The following TRMT11 variants were observed in gnomAD, a reference collection of about 807,000 sequenced individuals.
TRMT11 encodes the protein tRNA methyltransferase 11, also known as tRNA (guanine(10)-N(2))-methyltransferase TRMT11.
Under a neutral mutation model 62.8 loss-of-function variants are expected in TRMT11, and 53 were observed. That is an observed-to-expected ratio of 0.84 (90% CI 0.68 to 1.06). The LOEUF (loss-of-function observed/expected upper bound fraction) is 1.06, where lower values mean the gene tolerates loss of function less well. Among genes scored for constraint, TRMT11 ranks in the 50% least tolerant of loss-of-function variants. The pLI, the probability that TRMT11 is intolerant of heterozygous loss-of-function variation, is 0.00. For synonymous variants in TRMT11, 188 were observed against 190.3 expected, an observed-to-expected ratio of 0.99 and a Z score of 0.10; for missense variants, 556 against 553.4, an observed-to-expected ratio of 1.00 and a Z score of -0.05.
intron 17 of TRMT11, among the ~76,000 whole-genome samples, chr6:126,106,825 A>G (rs538222520): frequency 1.3e-5 from 2 of 152,066 alleles, no homozygotes; most frequent in South Asian, 2.1e-4. Context: ...AATTATTATT[A>G]GGAGTATTGG....
chr6:126,074,849 C>T (rs1411752599), intron 17 of TRMT11, among the ~76,000 whole-genome samples: 1 of 152,036 alleles, frequency 6.6e-6, no homozygotes, highest in Non-Finnish European at 1.5e-5. Flanking sequence ...CAATTATTTT[C>T]AAGACTAGCT....
chr6:126,153,144 TATC>T (rs1308093659), intron 21 of TRMT11, among the ~76,000 whole-genome samples: 1 of 152,192 alleles, frequency 6.6e-6, no homozygotes, highest in Non-Finnish European at 1.5e-5. Context: ...ATCTTGGAAA[TATC>T]ATTCCAGGAT....
At chr6:126,005,131 C>G (rs895592450) in intron 7 of TRMT11, among the ~76,000 whole-genome samples, 1 of 152,020 alleles carries the variant, frequency 6.6e-6, no homozygotes, top group Non-Finnish European at 1.5e-5. Flanking sequence ...CTATTAATGG[C>G]ACAGCCCTGT....
intron 21 of TRMT11, among the ~76,000 whole-genome samples, chr6:126,119,828 G>C (rs892235502): frequency 6.6e-6 from 1 of 152,058 alleles, no homozygotes; most frequent in African/African-American, 2.4e-5. Context: ...TCAATTGCAG[G>C]ACTCTATCCT....
intron 21 of TRMT11, among the ~76,000 whole-genome samples, chr6:126,142,749 C>T (rs1371541172): frequency 6.6e-6 from 1 of 152,052 alleles, no homozygotes; most frequent in Non-Finnish European, 1.5e-5. Context: ...TCCTCTTTTG[C>T]TCAATAGCTA....
At chr6:126,081,307 G>T (rs906573980) in intron 17 of TRMT11, among the ~76,000 whole-genome samples, 2 of 152,124 alleles carry the variant, frequency 1.3e-5, no homozygotes, top group African/African-American at 2.4e-5. Context: ...CTTTTATCTG[G>T]CACAGCCAAG....
At chr6:125,987,089 C>T (rs1789770601) in intron 1 of TRMT11, 1 of 161,766 alleles carries the variant, frequency 6.2e-6, no homozygotes, top group African/African-American at 2.4e-5. Context: ...AGTCGAAGAT[C>T]GGTACGCTGG....
chr6:126,220,923 C>G, the TRMT11 span, among the ~76,000 whole-genome samples: 1 of 152,126 alleles, frequency 6.6e-6, no homozygotes, highest in East Asian at 1.9e-4. Context: ...ATCCTATACC[C>G]TAAAGTAGGC....
chr6:126,002,747 C>T (rs557763670), intron 7 of TRMT11, among the ~76,000 whole-genome samples: 1 of 152,092 alleles, frequency 6.6e-6, no homozygotes, highest in East Asian at 1.9e-4. Context: ...GTCACTTTAC[C>T]TTTATAACGC....
At chr6:126,015,485 TG>T (rs939762841) in intron 11 of TRMT11, among the ~76,000 whole-genome samples, 2 of 152,132 alleles carry the variant, frequency 1.3e-5, no homozygotes, top group African/African-American at 4.8e-5. Flanking sequence ...GCCTCGGTGC[TG>T]GGATTACAGG....
At chr6:126,126,055 G>A (rs541001994) in intron 21 of TRMT11, among the ~76,000 whole-genome samples, 20 of 152,142 alleles carry the variant, frequency 1.3e-4, no homozygotes, top group African/African-American at 3.6e-4. Flanking sequence ...TGTGTAATTT[G>A]CCTAGGACAC....
chr6:126,211,674 A>G, the TRMT11 span, among the ~76,000 whole-genome samples: 3 of 151,802 alleles, frequency 2.0e-5, no homozygotes, highest in East Asian at 3.9e-4. Context: ...GTAGGTGTAT[A>G]TATGTATAGA....
chr6:126,114,927 C>T (rs1251773313), intron 19 of TRMT11, among the ~76,000 whole-genome samples: 1 of 152,022 alleles, frequency 6.6e-6, no homozygotes, highest in Non-Finnish European at 1.5e-5. Flanking sequence ...GTATAAGTCA[C>T]CCTGGGCACC....
the TRMT11 span, among the ~76,000 whole-genome samples, chr6:126,261,402 A>T: frequency 5.3e-5 from 8 of 151,730 alleles, no homozygotes; most frequent in Non-Finnish European, 1.2e-4. Context: ...TTAATTTGAA[A>T]TTTTTCAGGC....
At chr6:126,111,975 A>T (rs1484631271) in intron 17 of TRMT11, among the ~76,000 whole-genome samples, 2 of 152,124 alleles carry the variant, frequency 1.3e-5, no homozygotes, top group Non-Finnish European at 2.9e-5. Flanking sequence ...TTACTGAATG[A>T]TGGTCTTAGT....
chr6:126,027,195 A>G (rs1338372316), intron 12 of TRMT11, among the ~76,000 whole-genome samples: 1 of 152,206 alleles, frequency 6.6e-6, no homozygotes, highest in African/African-American at 2.4e-5. Flanking sequence ...TTACTTCTAT[A>G]AAACATTTTT....
intron 17 of TRMT11, among the ~76,000 whole-genome samples, chr6:126,080,998 C>T (rs1235339131): frequency 6.6e-6 from 1 of 152,180 alleles, no homozygotes; most frequent in Non-Finnish European, 1.5e-5. Context: ...GATATTGCAT[C>T]CCTGGGATGA....
intron 17 of TRMT11, among the ~76,000 whole-genome samples, chr6:126,074,688 T>G (rs1251802800): frequency 3.3e-5 from 5 of 152,206 alleles, no homozygotes; most frequent in Admixed American, 3.3e-4. Context: ...AGACAGAATG[T>G]GCATCCAAAA....
At chr6:126,144,102 A>G (rs567617767) in intron 21 of TRMT11, among the ~76,000 whole-genome samples, 1 of 152,300 alleles carries the variant, frequency 6.6e-6, no homozygotes, top group South Asian at 2.1e-4. Context: ...CCACTTGAGT[A>G]TGCATTGTTT....
Sources: gnomAD v4.1 joint callset for allele counts (sites outside exome capture counted in the v4.1 genomes callset) on GRCh38, gnomAD v4.1.1 for gene constraint, MANE v1.5 for transcripts, NCBI Gene and HGNC (gene_info 2026-07-23, HGNC 2026-07-21) for gene names.